CHST8: variants seen among roughly 807,000 people sequenced by gnomAD.
CHST8 encodes GALNAC-4-ST1.
CHST8 carries 10 observed loss-of-function variants against 15.0 expected under a neutral mutation model. The observed-to-expected ratio is 0.67, with a 90% confidence interval of 0.41 to 1.13. The LOEUF (loss-of-function observed/expected upper bound fraction) is 1.13. Among genes scored for constraint, CHST8 ranks in the 50% most tolerant of loss-of-function variants. CHST8 has a pLI of 0.00. For synonymous variants in CHST8, 259 were observed against 256.6 expected, an observed-to-expected ratio of 1.01 and a Z score of -0.09; for missense variants, 634 against 608.2, an observed-to-expected ratio of 1.04 and a Z score of -0.45.
intron 1 of CHST8, among the ~76,000 whole-genome samples, chr19:33,624,469 G>A (rs1207519181): frequency 6.6e-6 from 1 of 152,180 alleles, no homozygotes; most frequent in Non-Finnish European, 1.5e-5. Flanking sequence ...CATATTTGCT[G>A]TGTTTCCATA....
intron 3 of CHST8, among the ~76,000 whole-genome samples, chr19:33,705,245 G>C (rs1272981495): frequency 6.6e-6 from 1 of 152,154 alleles, no homozygotes; most frequent in Admixed American, 6.5e-5. Context: ...GACCCCAAGC[G>C]GTCCATGAGC....
At chr19:33,700,320 T>A (rs1364902704) in intron 3 of CHST8, among the ~76,000 whole-genome samples, 1 of 152,262 alleles carries the variant, frequency 6.6e-6, no homozygotes, top group Non-Finnish European at 1.5e-5. Context: ...ATCCATCCTG[T>A]TAAGTAGCTG....
At chr19:33,696,032 G>T (rs1403798429) in intron 3 of CHST8, among the ~76,000 whole-genome samples, 2 of 151,658 alleles carry the variant, frequency 1.3e-5, no homozygotes, top group African/African-American at 4.8e-5. Flanking sequence ...CACCATGTTG[G>T]CCAGGCTGGT....
intron 3 of CHST8, among the ~76,000 whole-genome samples, chr19:33,694,088 T>A (rs1973150060): frequency 2.5e-5 from 1 of 40,152 alleles, no homozygotes; most frequent in Non-Finnish European, 4.8e-5. Context: ...CTGTTGTAGT[T>A]TATTCATATA....
chr19:33,760,407 G>A (rs1451553275), intron 3 of CHST8, among the ~76,000 whole-genome samples: 2 of 151,292 alleles, frequency 1.3e-5, no homozygotes, highest in East Asian at 1.9e-4. Flanking sequence ...AGCCTCTAAC[G>A]CTTGGACTCA....
At chr19:33,770,111 GTC>G (rs1555725923) in intron 3 of CHST8, among the ~76,000 whole-genome samples, 1 of 152,216 alleles carries the variant, frequency 6.6e-6, no homozygotes, top group Non-Finnish European at 1.5e-5. Flanking sequence ...CAGTGGCTGA[GTC>G]TGTAAAACTG....
Position 33,772,618 on chromosome 19 carries a change from G to C in CHST8, c.830G>C (p.Ser277Thr). Residue 277 changes from serine (S) to threonine (T), a missense_variant, in exon 5 of 5, where the codon AGC (serine) becomes ACC (threonine). Physicochemically the swap from Ser to Thr is moderately conservative, Grantham distance 58. Transcript: ENST00000650847. ...AFRDKFEHPN[S>T]YYHPVFGKAI... ...CGCGACAAGTTTGAGCACCCCAACA[G>C]CTACTATCACCCGGTCTTCGGCAAG... The C allele has an allele frequency of 6.2e-7, 1 of 1,614,074 alleles. No individual in the cohort carries two copies. Among genetic ancestry groups the C allele is most frequent in the Non-Finnish European group, 8.5e-7 (1 of 1,180,040 alleles).
At chr19:33,740,977 G>A (rs190052632) in intron 3 of CHST8, among the ~76,000 whole-genome samples, 215 of 152,296 alleles carry the variant, frequency 1.4e-3, no homozygotes, top group African/African-American at 4.9e-3. Flanking sequence ...CCCTTAGAGC[G>A]GGGTATCATT....
At chr19:33,660,947 G>A (rs1410737200) in intron 1 of CHST8, among the ~76,000 whole-genome samples, 2 of 152,080 alleles carry the variant, frequency 1.3e-5, no homozygotes, top group Non-Finnish European at 2.9e-5. Flanking sequence ...CCCAGTTTTG[G>A]GGCCCACCTG....
At chr19:33,645,623 G>A (rs994466242) in intron 1 of CHST8, among the ~76,000 whole-genome samples, 1 of 152,126 alleles carries the variant, frequency 6.6e-6, no homozygotes, top group Non-Finnish European at 1.5e-5. Context: ...TGTTGGAGGG[G>A]CTTAGGCTAA....
At chr19:33,733,237 T>C in intron 3 of CHST8, among the ~76,000 whole-genome samples, 1 of 149,854 alleles carries the variant, frequency 6.7e-6, no homozygotes, top group East Asian at 1.9e-4. Flanking sequence ...ATATTCTTTT[T>C]TTTTTTTTTT....
chr19:33,689,172 G>A lies in CHST8; in HGVS notation c.-86-4G>A, dbSNP rs368814582. ...GTGATGACTATCCCTCCTCTGCCCC[G>A]TAGATCTCGGCCTGATGGACGCCTG... is the stretch of plus-strand genomic sequence containing the variant. On this transcript the variant is annotated splice_polypyrimidine_tract_variant and splice_region_variant and intron_variant, in intron 2 of 4. Coordinates refer to ENST00000650847, the MANE Select transcript of CHST8 (RefSeq NM_001127895.2). 3.4e-5 allele frequency: 49 copies of A among 1,430,988 alleles called. No individual in the cohort carries two copies. The highest frequency in any genetic ancestry group is 2.3e-4 in the South Asian group (15 of 65,470). 88.6% of individuals were successfully genotyped at this position (1,430,988 alleles called of 1,614,324 possible). A position where few individuals can be genotyped will look rare whatever the true frequency, so the allele number is the denominator to read the frequency against.
intron 3 of CHST8, among the ~76,000 whole-genome samples, chr19:33,717,534 G>T (rs1489792882): frequency 6.6e-6 from 1 of 152,092 alleles, no homozygotes; most frequent in Non-Finnish European, 1.5e-5. Context: ...GGGGTGTGGG[G>T]CTGCTACCTT....
intron 3 of CHST8, among the ~76,000 whole-genome samples, chr19:33,723,145 G>A (rs112471999): frequency 6.6e-6 from 1 of 152,204 alleles, no homozygotes; most frequent in Non-Finnish European, 1.5e-5. Context: ...CTGGGTTCAT[G>A]AGCAAATGTG....
chr19:33,717,630 G>A (rs1431230615), intron 3 of CHST8, among the ~76,000 whole-genome samples: 8 of 152,038 alleles, frequency 5.3e-5, no homozygotes, highest in African/African-American at 1.2e-4. Flanking sequence ...AGTGCCACAC[G>A]TTTTTACACC....
chr19:33,647,011 G>A (rs1316034582), intron 1 of CHST8, among the ~76,000 whole-genome samples: 1 of 152,222 alleles, frequency 6.6e-6, no homozygotes, highest in Admixed American at 6.5e-5. Context: ...AACAAAGACA[G>A]CTTGTGAGGT....
rs1973046917 is a variant in CHST8, at chr19:33,689,211, G to A, written c.-51G>A. The A allele has an allele frequency of 6.0e-6, 9 of 1,488,838 alleles. No individual in the cohort carries two copies. The highest frequency in any genetic ancestry group is 8.0e-6 in the Non-Finnish European group (9 of 1,119,534). 92.2% of individuals were successfully genotyped at this position (1,488,838 alleles called of 1,614,324 possible). On this transcript the variant is annotated 5_prime_UTR_variant, in exon 3 of 5. Coordinates refer to ENST00000650847, the MANE Select transcript of CHST8 (RefSeq NM_001127895.2). ...GATGGACGCCTGGTGTGGACGATGAGGGAAGAACGTGCCCCCCACACCCAA... is the reference window on the plus strand; with the variant it reads ...GATGGACGCCTGGTGTGGACGATGAAGGAAGAACGTGCCCCCCACACCCAA...
At chr19:33,750,333 C>T (rs2145355172) in intron 3 of CHST8, among the ~76,000 whole-genome samples, 1 of 152,292 alleles carries the variant, frequency 6.6e-6, no homozygotes, top group East Asian at 1.9e-4. Context: ...TGGTCACCAG[C>T]ATAGGCACAC....
At chr19:33,670,168 AG>A (rs543189622) in intron 2 of CHST8, among the ~76,000 whole-genome samples, 46 of 152,356 alleles carry the variant, frequency 3.0e-4, no homozygotes, top group African/African-American at 1.1e-3. Flanking sequence ...TTAAGCAGAA[AG>A]AAAGAAAAGA....
Sources: allele counts gnomAD v4.1 joint callset (sites outside exome capture counted in the v4.1 genomes callset), GRCh38; gene constraint gnomAD v4.1.1; transcripts MANE v1.5; gene names NCBI Gene and HGNC (gene_info 2026-07-23, HGNC 2026-07-21).